SYN3: variants seen among roughly 807,000 people sequenced by gnomAD.
The protein encoded by SYN3 is synapsin-3.
Under a neutral mutation model 65.8 loss-of-function variants are expected in SYN3, and 35 were observed. That is an observed-to-expected ratio of 0.53 (90% CI 0.41 to 0.70). The LOEUF (loss-of-function observed/expected upper bound fraction) is 0.70, where lower values mean the gene tolerates loss of function less well. SYN3 is among the 30% of genes least tolerant of loss of function. The pLI, the probability that SYN3 is intolerant of heterozygous loss-of-function variation, is 0.00. For missense variants in SYN3, 680 were observed against 749.0 expected (o/e 0.91, Z 1.08); for synonymous variants, 270 against 292.9 (o/e 0.92, Z 0.80).
At chr22:32,569,242 C>T (rs2058712684) in intron 7 of SYN3, among the ~76,000 whole-genome samples, 1 of 138,590 alleles carries the variant, frequency 7.2e-6, no homozygotes. Context: ...TTCTATCTAT[C>T]TCTATGCATC....
rs140467115 is a variant in SYN3 at position 32,864,915 on chromosome 22, C to T, written c.711G>A (p.Met237Ile). Residue 237 changes from methionine to isoleucine, a missense_variant and splice_region_variant, in exon 6 of 14, where the codon ATG becomes ATA. Transcript: ENST00000358763. ...AAACAGAGTAAAAAAGGGCACTCAC[C>T]ATTGGCTTATGGTTGGGGAAAAATG... ...EQTFFPNHKP[M>I]VTAPHFPVVV... 22 of 1,613,428 alleles carry T rather than the reference C, an allele frequency of 1.4e-5. No homozygotes were observed. The African/African-American group carries it at 2.4e-4, about 18-fold the overall frequency.
intron 3 of SYN3, among the ~76,000 whole-genome samples, chr22:32,942,240 A>G (rs1453114684): frequency 1.3e-5 from 2 of 152,190 alleles, no homozygotes; most frequent in South Asian, 2.1e-4. Flanking sequence ...TACCCCTCTG[A>G]GACAAAGCTT....
In SYN3 at chr22:32,876,619, A is replaced by T. The variant is rs535739301; in HGVS notation, c.462-7494T>A. ...TTAAAAAAAAAAAAAAAGAGCACAG[A>T]GCATTTTTACAATCAGGAAAAAAAC... On this transcript the variant is annotated intron_variant, in intron 4 of 13. Transcript: ENST00000358763. 3.3e-5 allele frequency among the ~76,000 whole-genome samples: 5 copies of T among 151,864 alleles called. No individual in the cohort carries two copies. In the East Asian group the frequency reaches 9.7e-4, roughly 29 times the overall value.
intron 6 of SYN3, among the ~76,000 whole-genome samples, chr22:32,716,206 T>G (rs1385445755): frequency 6.6e-6 from 1 of 152,090 alleles, no homozygotes; most frequent in Non-Finnish European, 1.5e-5. Context: ...AGAGTAAAGT[T>G]CCCACTTGAG....
chr22:32,604,805 A>G (rs1003294469), intron 6 of SYN3, among the ~76,000 whole-genome samples: 2 of 152,152 alleles, frequency 1.3e-5, no homozygotes, highest in Middle Eastern at 3.4e-3. Flanking sequence ...GGAGATCGAG[A>G]CCATCCTGGC....
intron 3 of SYN3, among the ~76,000 whole-genome samples, chr22:32,936,393 C>A (rs555572056): frequency 6.6e-6 from 1 of 152,292 alleles, no homozygotes; most frequent in South Asian, 2.1e-4. Context: ...ATCAGTTTCA[C>A]TGAGTTAAGG....
At chr22:32,526,585 G>A (rs543221700) in intron 12 of SYN3, among the ~76,000 whole-genome samples, 4 of 151,930 alleles carry the variant, frequency 2.6e-5, no homozygotes, top group South Asian at 2.1e-4. Flanking sequence ...GCGCAATCTC[G>A]GCTCACTGCA....
chr22:32,653,887 C>T (rs561591742), intron 6 of SYN3, among the ~76,000 whole-genome samples: 32 of 152,330 alleles, frequency 2.1e-4, no homozygotes, highest in African/African-American at 6.0e-4. Context: ...TCCCTGCTTC[C>T]TTTCCAGCCT....
intron 6 of SYN3, among the ~76,000 whole-genome samples, chr22:32,674,335 T>C (rs2060411805): frequency 6.6e-6 from 1 of 152,182 alleles, no homozygotes; most frequent in African/African-American, 2.4e-5. Context: ...CCAGTGAAGA[T>C]AGTGGTTCTG....
intron 6 of SYN3, among the ~76,000 whole-genome samples, chr22:32,769,037 G>A (rs1345858284): frequency 6.6e-6 from 1 of 151,982 alleles, no homozygotes; most frequent in Non-Finnish European, 1.5e-5. Flanking sequence ...CCCTTTCGCC[G>A]ATTCTAGGAC....
intron 4 of SYN3, among the ~76,000 whole-genome samples, chr22:32,914,995 C>A (rs754832035): frequency 1.3e-5 from 2 of 152,096 alleles, no homozygotes; most frequent in Non-Finnish European, 2.9e-5. Flanking sequence ...CTTCAGGGAC[C>A]GGACAGTCTG....
chr22:32,786,109 C>T (rs182141919), intron 6 of SYN3, among the ~76,000 whole-genome samples: 160 of 152,212 alleles, frequency 1.1e-3, no homozygotes, highest in Non-Finnish European at 1.7e-3. Flanking sequence ...CCTTAGGGCT[C>T]CCATTTAATT....
chr22:32,610,993 G>A (rs1244191552), intron 6 of SYN3, among the ~76,000 whole-genome samples: 1 of 152,184 alleles, frequency 6.6e-6, no homozygotes, highest in Non-Finnish European at 1.5e-5. Flanking sequence ...TTATATTTTG[G>A]AATGACCTGG....
At chr22:32,705,617 T>C (rs1460491129) in intron 6 of SYN3, among the ~76,000 whole-genome samples, 1 of 152,202 alleles carries the variant, frequency 6.6e-6, no homozygotes, top group African/African-American at 2.4e-5. Context: ...TTGATAAAAA[T>C]AGCATTGAAT....
intron 3 of SYN3, among the ~76,000 whole-genome samples, chr22:32,938,196 C>G (rs1326290690): frequency 6.6e-6 from 1 of 151,934 alleles, no homozygotes; most frequent in African/African-American, 2.4e-5. Flanking sequence ...AATAGAAAAC[C>G]AGAAGATAGT....
intron 7 of SYN3, among the ~76,000 whole-genome samples, chr22:32,572,456 C>T (rs1228732237): frequency 6.5e-5 from 8 of 122,664 alleles, no homozygotes; most frequent in African/African-American, 9.6e-5. Context: ...CCTTTCCTCC[C>T]TTCCTTCCTT....
chr22:32,538,151 C>G, intron 8 of SYN3, 41 bp from the exon 9 acceptor site: 4 of 1,577,724 alleles, frequency 2.5e-6, no homozygotes, highest in Non-Finnish European at 3.5e-6. Flanking sequence ...ATTAGGGACC[C>G]TCGTCACTGA....
Position 32,935,448 on chromosome 22 carries a change from ATT to A in SYN3, c.370-3969_370-3968del, listed in dbSNP as rs137556. On this transcript the variant is annotated intron_variant, in intron 3 of 13. Transcript: ENST00000358763. ...TGACCTCTAAGGCTTTTGGTATGGT[ATT>A]TTTTTTTTTTTTTTTTTGAGATGGA... 3.6e-3 allele frequency among the ~76,000 whole-genome samples: 451 copies of A among 124,006 alleles called. 2 individuals are homozygous for A. Among genetic ancestry groups the A allele is most frequent in the African/African-American group, 8.4e-3 (266 of 31,734 alleles). 81.4% of individuals were successfully genotyped at this position (124,006 alleles called of 152,430 possible).
intron 1 of SYN3, among the ~76,000 whole-genome samples, chr22:33,019,312 T>C (rs1211680759): frequency 6.6e-6 from 1 of 152,186 alleles, no homozygotes; most frequent in Non-Finnish European, 1.5e-5. Flanking sequence ...GAATACTGCA[T>C]CTTATTCCCC....
Sources: gnomAD v4.1 joint callset for allele counts (sites outside exome capture counted in the v4.1 genomes callset) on GRCh38, gnomAD v4.1.1 for gene constraint, MANE v1.5 for transcripts, NCBI Gene and HGNC (gene_info 2026-07-23, HGNC 2026-07-21) for gene names.